Variants in RALYL observed in about 807,000 individuals in gnomAD.
RALYL encodes RNA-binding Raly-like protein.
Under a neutral mutation model 35.1 loss-of-function variants are expected in RALYL, and 29 were observed. The observed-to-expected ratio is 0.83, with a 90% CI of 0.61 to 1.13. The LOEUF is 1.13. RALYL is among the 50% of genes most tolerant of loss of function. RALYL has a pLI of 0.00. For synonymous variants in RALYL, 120 were observed against 127.6 expected (o/e 0.94, Z 0.40); for missense variants, 359 against 360.4 (o/e 1.00, Z 0.03).
chr8:84,777,687 G>A (rs552227839), intron 3 of RALYL, among the ~76,000 whole-genome samples: 3 of 152,250 alleles, frequency 2.0e-5, no homozygotes, highest in African/African-American at 7.2e-5. Context: ...GGTCGCTCAG[G>A]CTGGAGTGCA....
intron 1 of RALYL, among the ~76,000 whole-genome samples, chr8:84,279,730 C>G (rs1403306040): frequency 1.3e-5 from 2 of 152,058 alleles, no homozygotes; most frequent in Non-Finnish European, 2.9e-5. Context: ...TTCCTAGTAT[C>G]ACTACAACCT....
Position 84,755,921 on chromosome 8 carries a change from G to A in RALYL, c.257-18658G>A, listed in dbSNP as rs536065426. ...CCAAGTGTTCTTGACATTTGACAAT[G>A]CCATTAAGCTAAAAGTATCAAAGAC... On this transcript the variant is annotated intron_variant, in intron 2 of 8. Transcript: ENST00000521268. Among the ~76,000 whole-genome samples the A allele has an allele frequency of 5.3e-5, 8 of 151,536 alleles. No homozygotes were observed. The South Asian group carries it at 1.5e-3, about 28-fold the overall frequency.
intron 1 of RALYL, among the ~76,000 whole-genome samples, chr8:84,237,579 CA>C (rs2131522438): frequency 6.6e-6 from 1 of 152,086 alleles, no homozygotes; most frequent in South Asian, 2.1e-4. Flanking sequence ...TTGACAACAA[CA>C]ACAATAAAAT....
chr8:84,736,277 G>T lies in RALYL; in HGVS notation c.257-38302G>T, dbSNP rs139557128. Among the ~76,000 whole-genome samples, 4 of 152,170 alleles carry T rather than the reference G, an allele frequency of 2.6e-5. No individual in the cohort carries two copies. The East Asian group carries it at 7.7e-4, about 29-fold the overall frequency. On this transcript the variant is annotated intron_variant, in intron 2 of 8. Transcript: ENST00000521268. ...CTTCTCTGTAACCAGCCTTGGGCTAGGAATTTGATACAATAATCCAACAAT... is the reference window on the plus strand; with the variant it reads ...CTTCTCTGTAACCAGCCTTGGGCTATGAATTTGATACAATAATCCAACAAT...
At chr8:84,434,911 A>G (rs1032271447) in intron 1 of RALYL, among the ~76,000 whole-genome samples, 1 of 152,184 alleles carries the variant, frequency 6.6e-6, no homozygotes, top group Non-Finnish European at 1.5e-5. Flanking sequence ...GGATTTGAAT[A>G]TAGTAATCCC....
intron 1 of RALYL, among the ~76,000 whole-genome samples, chr8:84,513,905 G>A (rs911530370): frequency 1.6e-4 from 24 of 151,752 alleles, no homozygotes; most frequent in African/African-American, 5.8e-4. Flanking sequence ...AGACTAGCCT[G>A]GCCAACATGG....
intron 1 of RALYL, among the ~76,000 whole-genome samples, chr8:84,501,192 A>C (rs2134216148): frequency 6.6e-6 from 1 of 152,286 alleles, no homozygotes; most frequent in South Asian, 2.1e-4. Flanking sequence ...GTTCTAAGCA[A>C]ATGTTAATTT....
At chr8:84,379,303 T>G (rs1857493125) in intron 1 of RALYL, among the ~76,000 whole-genome samples, 1 of 151,924 alleles carries the variant, frequency 6.6e-6, no homozygotes, top group African/African-American at 2.4e-5. Flanking sequence ...AGTAATAAAA[T>G]TAGGCCTAGA....
At chr8:84,599,064 ATC>A (rs1362199437) in intron 2 of RALYL, among the ~76,000 whole-genome samples, 7 of 152,140 alleles carry the variant, frequency 4.6e-5, no homozygotes, top group Non-Finnish European at 8.8e-5. Flanking sequence ...ATTACAAAAT[ATC>A]TGATTTTCAG....
At chr8:84,605,591 A>G (rs1400518111) in intron 2 of RALYL, among the ~76,000 whole-genome samples, 1 of 152,116 alleles carries the variant, frequency 6.6e-6, no homozygotes, top group Non-Finnish European at 1.5e-5. Flanking sequence ...ATCCTGACTC[A>G]GGCAGATAGG....
chr8:84,515,152 A>T (rs930693490), intron 1 of RALYL, among the ~76,000 whole-genome samples: 1 of 152,230 alleles, frequency 6.6e-6, no homozygotes, highest in Admixed American at 6.5e-5. Context: ...CCTAAGCAAT[A>T]TTCCACTTTA....
At chr8:84,483,603 A>G (rs1190252128) in intron 1 of RALYL, among the ~76,000 whole-genome samples, 1 of 152,170 alleles carries the variant, frequency 6.6e-6, no homozygotes, top group Non-Finnish European at 1.5e-5. Flanking sequence ...CCTATATGCA[A>G]CCAAGCAAAG....
chr8:84,897,695 A>C (rs1282195130), intron 8 of RALYL, among the ~76,000 whole-genome samples: 2 of 152,200 alleles, frequency 1.3e-5, no homozygotes, highest in African/African-American at 4.8e-5. Flanking sequence ...CTTACATATC[A>C]CATTTTCTTT....
intron 2 of RALYL, among the ~76,000 whole-genome samples, chr8:84,590,319 C>A (rs79786381): frequency 6.6e-6 from 1 of 152,200 alleles, no homozygotes; most frequent in African/African-American, 2.4e-5. Flanking sequence ...TACAGGATAT[C>A]TCATGATCAT....
chr8:84,187,925 T>C (rs1304939120), intron 1 of RALYL, among the ~76,000 whole-genome samples: 1 of 152,052 alleles, frequency 6.6e-6, no homozygotes, highest in African/African-American at 2.4e-5. Context: ...GGGCATTCAT[T>C]GATATAACTC....
intron 1 of RALYL, among the ~76,000 whole-genome samples, chr8:84,460,257 CT>C (rs1297079658): frequency 6.6e-6 from 1 of 151,632 alleles, no homozygotes; most frequent in African/African-American, 2.4e-5. Flanking sequence ...GGGTAGAATG[CT>C]TATGGAAGCA....
chr8:84,803,480 G>T (rs893968817), intron 3 of RALYL, among the ~76,000 whole-genome samples: 3 of 152,048 alleles, frequency 2.0e-5, no homozygotes, highest in African/African-American at 4.8e-5. Context: ...ACACAATAAG[G>T]CAATTAATGT....
intron 4 of RALYL, among the ~76,000 whole-genome samples, chr8:84,842,112 A>G (rs1475335788): frequency 6.6e-6 from 1 of 152,218 alleles, no homozygotes; most frequent in East Asian, 1.9e-4. Context: ...AGAAATAACT[A>G]AGATCAGAGC....
intron 1 of RALYL, among the ~76,000 whole-genome samples, chr8:84,455,170 G>C: frequency 1.3e-5 from 2 of 151,958 alleles, no homozygotes; most frequent in Middle Eastern, 3.4e-3. Flanking sequence ...TGAGTTCATC[G>C]GTCTCCTTTG....
Sources: gnomAD v4.1 joint callset for allele counts (sites outside exome capture counted in the v4.1 genomes callset) on GRCh38, gnomAD v4.1.1 for gene constraint, MANE v1.5 for transcripts, NCBI Gene and HGNC (gene_info 2026-07-23, HGNC 2026-07-21) for gene names.